The following UGT1A7 variants were observed in gnomAD, a reference collection of about 807,000 sequenced individuals.
UGT1A7 encodes UDP glucuronosyltransferase family 1 member A7.
Under a neutral mutation model 45.6 loss-of-function variants are expected in UGT1A7, and 33 were observed. The observed-to-expected ratio is 0.72, with a 90% CI of 0.55 to 0.97. The LOEUF (loss-of-function observed/expected upper bound fraction) is 0.97, where lower values mean the gene tolerates loss of function less well. Among genes scored for constraint, UGT1A7 ranks in the 50% least tolerant of loss-of-function variants. The pLI is 0.00. For missense variants in UGT1A7, 684 were observed against 666.2 expected (o/e 1.03, Z -0.29); for synonymous variants, 274 against 250.6 (o/e 1.09, Z -0.88).
Position 233,693,150 on chromosome 2 carries a change from T to G in UGT1A7, c.855+10358T>G, listed in dbSNP as rs768130153. ...AGTATGAAGGATATAGTTGAGGTTC[T>G]CAGTGACCGGGGTCATGAGATTGTA... On this transcript the variant is annotated intron_variant, in intron 1 of 4. Coordinates refer to ENST00000373426, the MANE Select transcript of UGT1A7 (RefSeq NM_019077.3). 12 of 1,614,140 alleles carry G rather than the reference T, an allele frequency of 7.4e-6. No individual in the cohort carries two copies. The Admixed American group carries it at 2.0e-4, about 27-fold the overall frequency.
intron 1 of UGT1A7, among the ~76,000 whole-genome samples, chr2:233,704,666 G>C (rs572399791): frequency 6.6e-6 from 1 of 151,938 alleles, no homozygotes; most frequent in Non-Finnish European, 1.5e-5. Flanking sequence ...CTTTTCCTTT[G>C]TTCTTATGGA....
At chr2:233,765,397 A>G (rs1698823781) in intron 1 of UGT1A7, among the ~76,000 whole-genome samples, 1 of 152,238 alleles carries the variant, frequency 6.6e-6, no homozygotes, top group South Asian at 2.1e-4. Context: ...AAAATGTGGT[A>G]CATATACACC....
chr2:233,762,102 G>T (rs1697968941), intron 1 of UGT1A7, among the ~76,000 whole-genome samples: 1 of 151,864 alleles, frequency 6.6e-6, no homozygotes, highest in Non-Finnish European at 1.5e-5. Flanking sequence ...GTTGTTGATT[G>T]TCCGCTTCAC....
intron 1 of UGT1A7, among the ~76,000 whole-genome samples, chr2:233,744,726 G>GA (rs1261964774): frequency 2.6e-5 from 4 of 151,822 alleles, no homozygotes; most frequent in African/African-American, 9.7e-5. Context: ...GAATGACGGT[G>GA]AAAAAATCAA....
intron 1 of UGT1A7, among the ~76,000 whole-genome samples, chr2:233,732,105 A>G (rs1386469627): frequency 6.6e-6 from 1 of 151,602 alleles, no homozygotes; most frequent in Admixed American, 6.6e-5. Flanking sequence ...GTCTGTTCAT[A>G]TCCTTTGCCC....
At position 233,711,986 on chromosome 2, in the gene UGT1A7, A is replaced by G. The variant is rs576273214; in HGVS notation, c.855+29194A>G. Among the ~76,000 whole-genome samples, 5 of 152,300 alleles carry G rather than the reference A, an allele frequency of 3.3e-5. No individual in the cohort carries two copies. The South Asian group carries it at 1.0e-3, about 32-fold the overall frequency. The stretch of plus-strand genomic sequence containing the variant: ...GAAATTTGAACTAGAGCCCCCACAA[A>G]TTATTCTGTTCTGGAGGAACCATTC... On this transcript the variant is annotated intron_variant, in intron 1 of 4. Transcript: ENST00000373426.
chr2:233,765,956 G>A (rs1699007626), intron 1 of UGT1A7, among the ~76,000 whole-genome samples: 1 of 152,142 alleles, frequency 6.6e-6, no homozygotes, highest in African/African-American at 2.4e-5. Flanking sequence ...CTCACCGGCA[G>A]TGTCTAGAGG....
chr2:233,761,077 T>A, intron 1 of UGT1A7: 1 of 1,614,202 alleles, frequency 6.2e-7, no homozygotes, highest in Non-Finnish European at 8.5e-7. Flanking sequence ...TGTGAAGGAT[T>A]ACCCTAGGCC....
chr2:233,754,116 G>C (rs1358690649), intron 1 of UGT1A7, among the ~76,000 whole-genome samples: 1 of 152,172 alleles, frequency 6.6e-6, no homozygotes, highest in Non-Finnish European at 1.5e-5. Flanking sequence ...TACATCACGA[G>C]CATTTATGTG....
At chr2:233,697,760 A>G (rs1285792706) in intron 1 of UGT1A7, among the ~76,000 whole-genome samples, 1 of 152,082 alleles carries the variant, frequency 6.6e-6, no homozygotes, top group Admixed American at 6.5e-5. Flanking sequence ...ATAGATTTTG[A>G]TACATTGTGT....
chr2:233,699,964 G>A (rs985933821), intron 1 of UGT1A7, among the ~76,000 whole-genome samples: 3 of 152,126 alleles, frequency 2.0e-5, no homozygotes, highest in African/African-American at 4.8e-5. Flanking sequence ...AAAAATACCC[G>A]TCCCCCAACT....
In UGT1A7 at chr2:233,740,798, C is replaced by T. The variant is rs557461962; in HGVS notation, c.856-26236C>T. On this transcript the variant is annotated intron_variant, in intron 1 of 4. Transcript: ENST00000373426. ...AAAAGATGAATACCCACATAACAGGCTCTAGCACTGTTCTGTTTTTGAGCT... is the reference window on the plus strand; with the variant it reads ...AAAAGATGAATACCCACATAACAGGTTCTAGCACTGTTCTGTTTTTGAGCT... The T allele has an allele frequency of 3.9e-5, 6 of 151,946 alleles. No individual in the cohort carries two copies. The East Asian group carries it at 1.2e-3, about 29-fold the overall frequency. The allele number at this position is 151,946 out of a possible 1,614,324, so 9.4% of individuals were successfully genotyped here.
chr2:233,772,337 C>T lies in UGT1A7; in HGVS notation c.1371C>T (p.Phe457=). The change falls in exon 5 of 5, where the codon TTC becomes TTT. Residue 457 remains phenylalanine (F), a synonymous_variant. Transcript: ENST00000373426. ...RPVEPLDLAV[F]WVEFVMRHKG... is the part of the protein sequence containing the mutation. ...TGGAGCCGCTGGACCTGGCCGTGTTCTGGGTGGAGTTTGTGATGAGGCACA... is the reference window on the plus strand; with the variant it reads ...TGGAGCCGCTGGACCTGGCCGTGTTTTGGGTGGAGTTTGTGATGAGGCACA... 6.2e-7 allele frequency: 1 copy of T among 1,614,256 alleles called. No individual in the cohort carries two copies. The highest frequency in any genetic ancestry group is 8.5e-7 in the Non-Finnish European group (1 of 1,180,042).
At chr2:233,689,645 A>G (rs2074951924) in intron 1 of UGT1A7, among the ~76,000 whole-genome samples, 1 of 152,200 alleles carries the variant, frequency 6.6e-6, no homozygotes, top group African/African-American at 2.4e-5. Flanking sequence ...GCTCTTGCTC[A>G]TGAGTGTGAC....
intron 1 of UGT1A7, among the ~76,000 whole-genome samples, chr2:233,744,958 A>C (rs996624362): frequency 2.6e-5 from 4 of 151,980 alleles, no homozygotes; most frequent in African/African-American, 4.9e-5. Context: ...ATAACCTACC[A>C]ATATCCTTCT....
intron 1 of UGT1A7, among the ~76,000 whole-genome samples, chr2:233,748,829 G>T (rs1192020175): frequency 6.6e-6 from 1 of 151,330 alleles, no homozygotes. Context: ...GTCTAGGGAG[G>T]AGATAAAACT....
chr2:233,686,717 C>T (rs528849540), intron 1 of UGT1A7, among the ~76,000 whole-genome samples: 1 of 152,350 alleles, frequency 6.6e-6, no homozygotes, highest in Admixed American at 6.5e-5. Context: ...CTCCCACCGG[C>T]TATGAAGGTC....
chr2:233,743,863 G>A (rs369107156), intron 1 of UGT1A7: 364 of 1,364,642 alleles, frequency 2.7e-4, no homozygotes, highest in Middle Eastern at 2.1e-4. Context: ...CCTTCTTGAT[G>A]GCCTCGGATG....
intron 1 of UGT1A7, among the ~76,000 whole-genome samples, chr2:233,763,508 A>G (rs1374305000): frequency 6.6e-6 from 1 of 152,166 alleles, no homozygotes; most frequent in Non-Finnish European, 1.5e-5. Context: ...CTTTATGTTT[A>G]GTTGACTTTG....
Sources: allele counts gnomAD v4.1 joint callset (sites outside exome capture counted in the v4.1 genomes callset), GRCh38; gene constraint gnomAD v4.1.1; transcripts MANE v1.5; gene names NCBI Gene and HGNC (gene_info 2026-07-23, HGNC 2026-07-21).